Variants in AFF3 observed in about 807,000 individuals in gnomAD.
AFF3 encodes the protein AF4/FMR2 family member 3.
In AFF3, 32 loss-of-function variants were observed where a neutral mutation model predicts 129.7. That is an observed-to-expected ratio of 0.25 (90% CI 0.19 to 0.33). AFF3 has a LOEUF of 0.33. Ranked by LOEUF, AFF3 falls within the 10% of genes least tolerant of loss-of-function variation. AFF3 has a pLI of 1.00. For synonymous variants in AFF3, 644 were observed against 635.4 expected (o/e 1.01, Z -0.20); for missense variants, 1,373 against 1,592.0 (o/e 0.86, Z 2.34).
chr2:99,866,961 G>GCAT (rs1208338834), intron 7 of AFF3, among the ~76,000 whole-genome samples: 2 of 111,724 alleles, frequency 1.8e-5, no homozygotes, highest in African/African-American at 4.0e-5. Flanking sequence ...GGGTAACACA[G>GCAT]CATAATAATA....
intron 8 of AFF3, among the ~76,000 whole-genome samples, chr2:99,753,347 A>C (rs548333817): frequency 6.6e-6 from 1 of 152,224 alleles, no homozygotes; most frequent in East Asian, 1.9e-4. Flanking sequence ...TGACCCGCCC[A>C]CCTTGGGCTC....
At chr2:99,648,876 A>AACACACAC (rs1183425993) in intron 13 of AFF3, among the ~76,000 whole-genome samples, 2 of 32,816 alleles carry the variant, frequency 6.1e-5, no homozygotes, top group African/African-American at 9.6e-5. Context: ...AGTTCCTCAA[A>AACACACAC]ACACGCGCGC....
intron 7 of AFF3, among the ~76,000 whole-genome samples, chr2:99,912,869 G>C (rs896094050): frequency 1.3e-5 from 2 of 152,126 alleles, no homozygotes; most frequent in Non-Finnish European, 2.9e-5. Flanking sequence ...ACCCAGAAAT[G>C]TCCTTAAAGA....
intron 18 of AFF3, among the ~76,000 whole-genome samples, chr2:99,573,793 C>T (rs1214980869): frequency 6.6e-6 from 1 of 152,138 alleles, no homozygotes; most frequent in Non-Finnish European, 1.5e-5. Flanking sequence ...ACAGAAGGGA[C>T]GTTTGGTGGT....
intron 7 of AFF3, among the ~76,000 whole-genome samples, chr2:99,878,062 A>G (rs1692428129): frequency 6.6e-6 from 1 of 152,214 alleles, no homozygotes; most frequent in African/African-American, 2.4e-5. Flanking sequence ...TAAATGTTGC[A>G]GAAACACCTA....
chr2:99,930,435 C>A (rs533985057), intron 7 of AFF3, among the ~76,000 whole-genome samples: 2 of 152,168 alleles, frequency 1.3e-5, no homozygotes, highest in East Asian at 1.9e-4. Context: ...GTGTACCATG[C>A]GGTCAGCCAA....
At chr2:99,813,010 T>C (rs143283970) in intron 8 of AFF3, among the ~76,000 whole-genome samples, 2,223 of 152,156 alleles carry the variant, frequency 0.015, 27 homozygotes, top group Middle Eastern at 0.031. Flanking sequence ...ATTCATTAAG[T>C]GTCAAAATGA....
intron 11 of AFF3, among the ~76,000 whole-genome samples, chr2:99,686,177 G>A (rs186929180): frequency 6.6e-6 from 1 of 152,138 alleles, no homozygotes; most frequent in East Asian, 1.9e-4. Flanking sequence ...GCGACACAGC[G>A]AGACTCCATC....
chr2:100,010,877 G>C (rs574703634), intron 4 of AFF3, among the ~76,000 whole-genome samples: 2 of 152,268 alleles, frequency 1.3e-5, no homozygotes, highest in South Asian at 4.1e-4. Flanking sequence ...GAGGATATAT[G>C]ACCCACACTG....
chr2:99,956,866 G>A (rs141168467), intron 7 of AFF3, among the ~76,000 whole-genome samples: 1 of 152,290 alleles, frequency 6.6e-6, no homozygotes, highest in East Asian at 1.9e-4. Context: ...TGTTGCTGCC[G>A]TGACTGAAGA....
At chr2:99,905,429 C>T (rs1420932726) in intron 7 of AFF3, among the ~76,000 whole-genome samples, 1 of 152,126 alleles carries the variant, frequency 6.6e-6, no homozygotes, top group Non-Finnish European at 1.5e-5. Context: ...TTTTGTCTGC[C>T]CCTCTGCCCT....
intron 8 of AFF3, among the ~76,000 whole-genome samples, chr2:99,777,947 CAAAAAAAA>C (rs576434643): frequency 6.2e-5 from 3 of 48,340 alleles, no homozygotes; most frequent in Non-Finnish European, 7.6e-5. Context: ...AAAGCAAAAG[CAAAAAAAA>C]AAAAAAAAAA....
intron 4 of AFF3, among the ~76,000 whole-genome samples, chr2:100,053,364 C>T (rs1435502607): frequency 1.3e-5 from 2 of 152,150 alleles, no homozygotes; most frequent in Non-Finnish European, 2.9e-5. Flanking sequence ...TAGCTCAGTG[C>T]CAAGAGTGTG....
intron 7 of AFF3, among the ~76,000 whole-genome samples, chr2:99,962,850 A>T (rs1243943901): frequency 7.0e-6 from 1 of 142,082 alleles, no homozygotes; most frequent in South Asian, 2.3e-4. Context: ...AAGAGTATTC[A>T]AATAATAATA....
intron 4 of AFF3, among the ~76,000 whole-genome samples, chr2:100,021,174 C>T (rs1683560715): frequency 6.6e-6 from 1 of 152,216 alleles, no homozygotes; most frequent in African/African-American, 2.4e-5. Flanking sequence ...GAACCCTCCA[C>T]TCTCCCCGAT....
intron 4 of AFF3, among the ~76,000 whole-genome samples, chr2:100,019,877 G>A (rs900834584): frequency 6.6e-6 from 1 of 152,014 alleles, no homozygotes; most frequent in African/African-American, 2.4e-5. Flanking sequence ...TGGGCTCTGA[G>A]GCCTATCCCC....
At chr2:100,024,366 G>C (rs1175392878) in intron 4 of AFF3, among the ~76,000 whole-genome samples, 1 of 151,882 alleles carries the variant, frequency 6.6e-6, no homozygotes, top group East Asian at 1.9e-4. Flanking sequence ...CCTGAGGTCG[G>C]GAGTTCGAGA....
In AFF3 at chr2:99,601,536, AGCTGCTGCTGCCGCTGCTGCT is replaced by A; in HGVS notation, c.1249_1269del (p.Gly420_Ser426del). The stretch of plus-strand genomic sequence containing the variant: ...GAGCTGCTCTCTGAGTCGCTGGAGG[AGCTGCTGCTGCCGCTGCTGCT>A]GCTGCTGCTGCTGCCCTTGCTGGAA... On this transcript the variant is annotated inframe_deletion, in exon 14 of 25. Coordinates refer to ENST00000672756, the MANE Select transcript of AFF3 (RefSeq NM_001386135.1). 2 of 1,603,514 alleles carry A rather than the reference AGCTGCTGCTGCCGCTGCTGCT, an allele frequency of 1.2e-6. No individual in the cohort carries two copies. Among genetic ancestry groups the A allele is most frequent in the Non-Finnish European group, 1.7e-6 (2 of 1,176,466 alleles).
At position 99,578,707 on chromosome 2, in the gene AFF3, C is replaced by T. The variant is rs530871525; in HGVS notation, c.2794-256G>A. Among the ~76,000 whole-genome samples the T allele has an allele frequency of 1.1e-4, 16 of 152,320 alleles. 1 individual carries two copies. The South Asian group carries it at 3.1e-3, about 30-fold the overall frequency. ...AGTCATGACGCCTACTCTCACAGAT[C>T]CAGAAACAGGCTTGGTGAGGTTCAG... is the stretch of plus-strand genomic sequence containing the variant. On this transcript the variant is annotated intron_variant, in intron 17 of 24. Transcript: ENST00000672756.
Sources: gnomAD v4.1 joint callset for allele counts (sites outside exome capture counted in the v4.1 genomes callset) on GRCh38, gnomAD v4.1.1 for gene constraint, MANE v1.5 for transcripts, NCBI Gene and HGNC (gene_info 2026-07-23, HGNC 2026-07-21) for gene names.